LILRA6: variants seen among roughly 807,000 people sequenced by gnomAD.
LILRA6 encodes leukocyte immunoglobulin-like receptor subfamily A member 6.
Under a neutral mutation model 53.9 loss-of-function variants are expected in LILRA6, and 16 were observed. That is an observed-to-expected ratio of 0.30 (90% confidence interval 0.20 to 0.45). The LOEUF is 0.45. Ranked by LOEUF, LILRA6 falls within the 20% of genes least tolerant of loss-of-function variation. The pLI is 1.00. For missense variants in LILRA6, 306 were observed against 618.6 expected (o/e 0.49, Z 5.36); for synonymous variants, 135 against 256.4 (o/e 0.53, Z 4.52).
At position 54,241,598 on chromosome 19, in the gene LILRA6, G is replaced by T. The variant is rs758185271; in HGVS notation, c.636C>A (p.Asp212Glu). Residue 212 changes from aspartate to glutamate, a missense_variant, in exon 4 of 8, where the codon GAC becomes GAA. Physicochemically the swap from Asp to Glu is conservative, Grantham distance 45. Coordinates refer to ENST00000396365, the Ensembl canonical transcript of LILRA6. Reference sequence around the variant, plus strand: ...CACCTGAGGGCAGAATCTCCAGGGGGTCACTGGGGTGGGACCACACCCGGG... The same window carrying T: ...CACCTGAGGGCAGAATCTCCAGGGGTTCACTGGGGTGGGACCACACCCGGG... 7 of 1,475,308 alleles carry T rather than the reference G, an allele frequency of 4.7e-6. No homozygotes were observed. The East Asian group carries it at 1.4e-4, about 29-fold the overall frequency. The allele number at this position is 1,475,308 out of a possible 1,614,324, so 91.4% of individuals were successfully genotyped here. A position where few individuals can be genotyped will look rare whatever the true frequency, so the allele number is the denominator to read the frequency against.
exon 4 of LILRA6, chr19:54,241,844 G>C (rs778157193): frequency 7.7e-7 from 1 of 1,303,524 alleles, no homozygotes; most frequent in East Asian, 2.3e-5. Context: ...CCACAGGGCT[G>C]GGCAGGGCTG....
chr19:54,239,717 C>G, intron 7 of LILRA6, 184 bp downstream of exon 7: 2 of 1,520,562 alleles, frequency 1.3e-6, no homozygotes, highest in Non-Finnish European at 1.8e-6. Flanking sequence ...CCACATCAGC[C>G]CGGCTCCTCC....
rs764465758 is a variant in LILRA6 at position 54,238,915 on chromosome 19, C to T, written c.*38G>A. The T allele has an allele frequency of 6.2e-6, 10 of 1,603,664 alleles. 3 individuals are homozygous for T. In the African/African-American group the frequency reaches 1.2e-4, roughly 20 times the overall value. On this transcript the variant is annotated 3_prime_UTR_variant, in exon 8 of 8. Coordinates refer to ENST00000396365, the Ensembl canonical transcript of LILRA6. The stretch of plus-strand genomic sequence containing the variant: ...GGGATCATCAGATCTGTCCCTGAGG[C>T]TCCACCACGCTGAAGGGTGCATTGT...
In LILRA6 at chr19:54,241,835, C is replaced by T; in HGVS notation, c.399G>A (p.Val133=). ...GGGTCATATTCCCCCCTGAGGCCACCACAGGGCTGGGCAGGGCTGAGAGGG... is the reference window on the plus strand; with the variant it reads ...GGGTCATATTCCCCCCTGAGGCCACTACAGGGCTGGGCAGGGCTGAGAGGG... Residue 133 remains valine, a synonymous_variant, in exon 4 of 8, where the codon GTG becomes GTA. Coordinates refer to ENST00000396365, the Ensembl canonical transcript of LILRA6. The T allele has an allele frequency of 3.0e-6, 4 of 1,320,574 alleles. 1 individual carries two copies. Among genetic ancestry groups the T allele is most frequent in the Non-Finnish European group, 4.2e-6 (4 of 958,170 alleles). 81.8% of individuals were successfully genotyped at this position (1,320,574 alleles called of 1,614,324 possible). A position where few individuals can be genotyped will look rare whatever the true frequency, so the allele number is the denominator to read the frequency against.
At chr19:54,241,039 G>T in exon 5 of LILRA6, 1 of 1,612,900 alleles carries the variant, frequency 6.2e-7, no homozygotes, top group Non-Finnish European at 8.5e-7. Flanking sequence ...TGTCGTAGCC[G>T]ACATCAGAGC....
intron 7 of LILRA6, chr19:54,239,451 C>T (rs530360327): frequency 2.9e-5 from 18 of 621,044 alleles, no homozygotes; most frequent in Non-Finnish European, 4.3e-5. Flanking sequence ...TGAATTTCAA[C>T]GCTGCTCCTG....
exon 8 of LILRA6, chr19:54,238,916 T>C: frequency 6.2e-7 from 1 of 1,604,248 alleles, no homozygotes; most frequent in Non-Finnish European, 8.5e-7. Flanking sequence ...TCCCTGAGGC[T>C]CCACCACGCT....
Position 54,242,446 on chromosome 19 carries a change from C to T in LILRA6, c.70+73G>A, listed in dbSNP as rs141896220. 2 of 1,075,230 alleles carry T rather than the reference C, an allele frequency of 1.9e-6. 1 individual carries two copies. The highest frequency in any genetic ancestry group is 2.6e-6 in the Non-Finnish European group (2 of 782,488). The allele number at this position is 1,075,230 out of a possible 1,614,324, so 66.6% of individuals were successfully genotyped here. A position where few individuals can be genotyped will look rare whatever the true frequency, so the allele number is the denominator to read the frequency against. ...TCCCCACCCAGAACTGCTGTCTCCT[C>T]CCCCAGCTGCCCATGTGTGGCCCTT... On this transcript the variant is annotated intron_variant, in intron 2 of 7. Coordinates refer to ENST00000396365, the Ensembl canonical transcript of LILRA6.
At position 54,240,581 on chromosome 19, in the gene LILRA6, A is replaced by T. The variant is rs1391159670; in HGVS notation, c.956-5T>A. On this transcript the variant is annotated splice_region_variant and splice_polypyrimidine_tract_variant and intron_variant, in intron 5 of 7. Transcript: ENST00000396365. ...AGACGGTGTCATAGATCTGTCCTGGAGAGAAGAAGGATGGGTGAGGGGCTG... is the reference window on the plus strand; with the variant it reads ...AGACGGTGTCATAGATCTGTCCTGGTGAGAAGAAGGATGGGTGAGGGGCTG... The T allele has an allele frequency of 6.3e-7, 1 of 1,587,456 alleles. No individual in the cohort carries two copies. The highest frequency in any genetic ancestry group is 8.6e-7 in the Non-Finnish European group (1 of 1,168,080).
downstream of LILRA6, chr19:54,237,880 T>C (rs1046595952): frequency 6.6e-6 from 1 of 150,852 alleles, no homozygotes; most frequent in Non-Finnish European, 1.5e-5. Context: ...TCCTTTGTTT[T>C]AGATGTATTT....
At chr19:54,240,093 G>A (rs1170997095) in intron 6 of LILRA6, 142 bp from the exon 7 acceptor site, 1 of 1,455,868 alleles carries the variant, frequency 6.9e-7, no homozygotes, top group Non-Finnish European at 9.1e-7. Context: ...GCCAGGCAGG[G>A]GAGAACGGGT....
chr19:54,242,205 C>A (rs678876), exon 3 of LILRA6: 1 of 1,394,884 alleles, frequency 7.2e-7, no homozygotes, highest in Admixed American at 1.9e-5. Flanking sequence ...TTTATCCAGT[C>A]GGTACTCCTG....
exon 3 of LILRA6, chr19:54,242,278 G>A: frequency 1.4e-6 from 2 of 1,400,924 alleles, no homozygotes; most frequent in East Asian, 2.3e-5. Context: ...ACAGAGCCTG[G>A]CTCAGCCCAG....
exon 8 of LILRA6, chr19:54,238,903 C>G: frequency 6.3e-7 from 1 of 1,597,542 alleles, no homozygotes; most frequent in South Asian, 1.1e-5. Context: ...ATCATCAGAT[C>G]TGTCCCTGAG....
In LILRA6 at chr19:54,242,091, C is replaced by T. The variant is rs746675968; in HGVS notation, c.290G>A (p.Arg97His). Residue 97 changes from arginine (R) to histidine (H), a missense_variant, in exon 3 of 8, where the codon CGC becomes CAC. Coordinates refer to ENST00000396365, the Ensembl canonical transcript of LILRA6. ...GCCTGCAGAGCTGTAATAGTGGCAG[C>T]GGTATCTCCCCGCATGGTGCTCTGT... The T allele has an allele frequency of 4.4e-5, 61 of 1,397,792 alleles. 10 individuals are homozygous for T. Among genetic ancestry groups the T allele is most frequent in the East Asian group, 3.6e-4 (16 of 43,864 alleles). 86.6% of individuals were successfully genotyped at this position (1,397,792 alleles called of 1,614,324 possible).
exon 8 of LILRA6, chr19:54,238,990 T>C (rs2078675743): frequency 6.2e-7 from 1 of 1,611,318 alleles, no homozygotes; most frequent in African/African-American, 1.4e-5. Context: ...TCTCTGGCTG[T>C]GCTGAGCCTC....
downstream of LILRA6, chr19:54,238,327 C>T (rs448945): frequency 0.13 from 19,007 of 149,922 alleles, 557 homozygotes; most frequent in Middle Eastern, 0.17. Flanking sequence ...TGAGCCACCG[C>T]GCCCGGCCAT....
At chr19:54,242,484 G>A in intron 2 of LILRA6, 35 bp downstream of exon 2, 1 of 1,078,056 alleles carries the variant, frequency 9.3e-7, no homozygotes, top group South Asian at 2.0e-5. Flanking sequence ...CCCTAGTAAG[G>A]ATGAGGGACC....
chr19:54,238,817 A>G (rs61002408), exon 8 of LILRA6: 140,482 of 1,439,286 alleles, frequency 0.098, 8,407 homozygotes, highest in African/African-American at 0.14. Flanking sequence ...ATCAGACATG[A>G]TTACCTTCCA....
Sources: allele counts gnomAD v4.1 joint callset, GRCh38; gene constraint gnomAD v4.1.1; transcripts MANE v1.5; gene names NCBI Gene and HGNC (gene_info 2026-07-23, HGNC 2026-07-21).